Variants in BRWD1 observed in about 807,000 individuals in gnomAD.
BRWD1 encodes bromodomain and WD repeat domain containing 1.
BRWD1 carries 82 observed loss-of-function variants against 251.2 expected under a neutral mutation model. That is an observed-to-expected ratio of 0.33 (90% CI 0.27 to 0.39). The LOEUF (loss-of-function observed/expected upper bound fraction) is 0.39, where lower values mean the gene tolerates loss of function less well. BRWD1 is among the 10% of genes least tolerant of loss of function. BRWD1 has a pLI of 1.00. For synonymous variants in BRWD1, 918 were observed against 902.8 expected (o/e 1.02, Z -0.30); for missense variants, 2,233 against 2,711.6 (o/e 0.82, Z 3.92).
At chr21:39,314,577 C>T (rs930906200), upstream of BRWD1, 1 of 347,510 alleles carries the variant, frequency 2.9e-6, no homozygotes, top group Non-Finnish European at 5.7e-6. Context: ...CAGAAAATTC[C>T]CTTGTCTTGC....
chr21:39,192,317 G>C lies in BRWD1; in HGVS notation c.*3942C>G, dbSNP rs1302619052. 9.1e-6 allele frequency: 9 copies of C among 985,254 alleles called. No individual in the cohort carries two copies. In the East Asian group the frequency reaches 1.0e-3, roughly 112 times the overall value. The allele number at this position is 985,254 out of a possible 1,614,324, so 61.0% of individuals were successfully genotyped here. On this transcript the variant is annotated 3_prime_UTR_variant, in exon 41 of 41. Transcript: ENST00000342449. ...CTAGGAATTAACATTTGCTAATCTAGTTGGACTCAGTTTTTCCCACAATGC... is the reference window on the plus strand; with the variant it reads ...CTAGGAATTAACATTTGCTAATCTACTTGGACTCAGTTTTTCCCACAATGC...
At chr21:39,314,629 C>T (rs1345156196), upstream of BRWD1, 1 of 340,104 alleles carries the variant, frequency 2.9e-6, no homozygotes, top group African/African-American at 2.2e-5. Context: ...GCGCATCCAG[C>T]CTGCCCTGCT....
intron 8 of BRWD1, 80 bp downstream of exon 8, chr21:39,293,731 T>C: frequency 9.2e-7 from 1 of 1,086,052 alleles, no homozygotes; most frequent in Non-Finnish European, 1.3e-6. Context: ...CATCTTACTA[T>C]TTCTCAATTC....
Position 39,232,473 on chromosome 21 carries a change from T to C in BRWD1, c.2792A>G (p.Glu931Gly). The part of the protein sequence containing the change: ...KENLRRMTPA[E>G]LANMEHLYEF... ...ATATAAATGCTCCATATTTGCAAGC[T>C]CTGCTGGAGTCATCCTCCGCAAATT... The change falls in exon 24 of 41, where the codon GAG (glutamate) becomes GGG (glycine). Residue 931 changes from glutamate (E) to glycine (G), a missense_variant. Coordinates refer to ENST00000342449, the MANE Select transcript of BRWD1 (RefSeq NM_033656.4). The C allele has an allele frequency of 6.3e-7, 1 of 1,586,062 alleles. No individual in the cohort carries two copies. The highest frequency in any genetic ancestry group is 8.5e-7 in the Non-Finnish European group (1 of 1,173,774).
intron 31 of BRWD1, among the ~76,000 whole-genome samples, chr21:39,216,468 G>A (rs2146509544): frequency 6.6e-6 from 1 of 152,306 alleles, no homozygotes; most frequent in South Asian, 2.1e-4. Context: ...AGCCAGGCCT[G>A]ACCATCCCTG....
intron 23 of BRWD1, among the ~76,000 whole-genome samples, chr21:39,234,625 A>G (rs2033745078): frequency 6.6e-6 from 1 of 152,172 alleles, no homozygotes; most frequent in South Asian, 2.1e-4. Context: ...CACTCAACCA[A>G]CCCAGAGTTT....
intron 17 of BRWD1, 85 bp downstream of exon 17, chr21:39,264,375 C>A: frequency 1.2e-6 from 1 of 823,984 alleles, no homozygotes; most frequent in Non-Finnish European, 1.8e-6. Flanking sequence ...AATTGGGGAT[C>A]TAAAGGTAAG....
chr21:39,312,554 C>T, intron 4 of BRWD1: 1 of 314,516 alleles, frequency 3.2e-6, no homozygotes, highest in Non-Finnish European at 6.1e-6. Flanking sequence ...ACGCCACACC[C>T]CCGCAGAGGC....
rs2146431979 is a variant in BRWD1 at position 39,187,858 on chromosome 21, G to A, written c.*8401C>T. The A allele has an allele frequency of 1.0e-6, 1 of 984,286 alleles. No individual in the cohort carries two copies. Among genetic ancestry groups the A allele is most frequent in the Middle Eastern group, 5.2e-4 (1 of 1,914 alleles). The allele number at this position is 984,286 out of a possible 1,614,324, so 61.0% of individuals were successfully genotyped here. ...GGAACCAAAAAGTGCAGAGTGCTAT[G>A]AGAACACAGACTGGAAACCTAACCT... On this transcript the variant is annotated 3_prime_UTR_variant, in exon 41 of 41. Transcript: ENST00000342449.
chr21:39,293,174 G>A (rs907506434), intron 8 of BRWD1, among the ~76,000 whole-genome samples: 17 of 152,080 alleles, frequency 1.1e-4, no homozygotes, highest in African/African-American at 4.1e-4. Flanking sequence ...TCTGCTTATT[G>A]TGAAAAAAAC....
chr21:39,287,632 G>A (rs545053758), intron 8 of BRWD1, among the ~76,000 whole-genome samples: 2 of 152,128 alleles, frequency 1.3e-5, no homozygotes, highest in African/African-American at 2.4e-5. Flanking sequence ...TATTTGTCAC[G>A]TTTCTTTTTT....
intron 8 of BRWD1, among the ~76,000 whole-genome samples, chr21:39,288,892 G>T (rs1223332740): frequency 1.3e-5 from 2 of 152,150 alleles, no homozygotes; most frequent in East Asian, 1.9e-4. Context: ...AGAGGTGGAA[G>T]AAAATCTATA....
Position 39,313,366 on chromosome 21 carries a change from C to T in BRWD1, c.50-67G>A, listed in dbSNP as rs1169515343. The T allele has an allele frequency of 2.0e-5, 29 of 1,466,116 alleles. No individual in the cohort carries two copies. The Admixed American group carries it at 3.9e-4, about 20-fold the overall frequency. 90.8% of individuals were successfully genotyped at this position (1,466,116 alleles called of 1,614,324 possible). ...GGGAGGGGGACGGGGCCAGGGGAGC[C>T]GGGGGAGCCCGGGGAGCCGGGGAAG... is the stretch of plus-strand genomic sequence containing the variant. On this transcript the variant is annotated intron_variant, in intron 1 of 40. Transcript: ENST00000342449.
At chr21:39,249,783 G>A (rs575185453) in intron 20 of BRWD1, among the ~76,000 whole-genome samples, 1 of 152,186 alleles carries the variant, frequency 6.6e-6, no homozygotes, top group East Asian at 1.9e-4. Flanking sequence ...TTAACATGTA[G>A]GTGGGCCAAA....
rs773619535 is a variant in BRWD1 at position 39,258,638 on chromosome 21, C to A, written c.1920G>T (p.Leu640=). ...TGCGTTCATCATTATCATTGGTTTG[C>A]AGGCTTATAATTTGTTCAATCACCT... ...DGEVIEQIIS[L]QTNDNDERSP... Residue 640 remains leucine (L), a synonymous_variant, in exon 18 of 41, where the codon CTG becomes CTT. Transcript: ENST00000342449. 1.9e-6 allele frequency: 3 copies of A among 1,608,182 alleles called. No homozygotes were observed. The highest frequency in any genetic ancestry group is 1.7e-4 in the Middle Eastern group (1 of 6,048).
intron 31 of BRWD1, chr21:39,217,157 G>C (rs947448107): frequency 2.1e-5 from 3 of 143,894 alleles, no homozygotes; most frequent in Non-Finnish European, 4.5e-5. Flanking sequence ...GTGTAGTGGC[G>C]TGATCTCAGC....
intron 10 of BRWD1, 162 bp downstream of exon 10, chr21:39,278,581 G>C (rs2035352056): frequency 9.2e-6 from 5 of 545,172 alleles, no homozygotes; most frequent in African/African-American, 2.0e-5. Flanking sequence ...TGGAGGACTG[G>C]AAGAACAAGG....
intron 15 of BRWD1, among the ~76,000 whole-genome samples, chr21:39,265,498 T>G (rs558095068): frequency 6.6e-6 from 1 of 152,108 alleles, no homozygotes. Context: ...AAAAATAAAA[T>G]TGATTTTGGA....
intron 20 of BRWD1, among the ~76,000 whole-genome samples, chr21:39,248,098 A>G (rs2034259493): frequency 6.6e-6 from 1 of 152,184 alleles, no homozygotes; most frequent in Non-Finnish European, 1.5e-5. Flanking sequence ...AATGAGGGAA[A>G]ATAACAATAA....
Sources: allele counts gnomAD v4.1 joint callset (sites outside exome capture counted in the v4.1 genomes callset), GRCh38; gene constraint gnomAD v4.1.1; transcripts MANE v1.5; gene names NCBI Gene and HGNC (gene_info 2026-07-23, HGNC 2026-07-21).